The following SPACA1 variants were observed in gnomAD, a reference collection of about 807,000 sequenced individuals.
The protein encoded by SPACA1 is sperm acrosome associated 1.
In SPACA1, 17 loss-of-function variants were observed where a neutral mutation model predicts 32.6. That is an observed-to-expected ratio of 0.52 (90% CI 0.36 to 0.78). SPACA1 has a LOEUF of 0.78. Among genes scored for constraint, SPACA1 ranks in the 30% least tolerant of loss-of-function variants. SPACA1 has a pLI of 0.01. For missense variants in SPACA1, 363 were observed against 373.4 expected (o/e 0.97, Z 0.23); for synonymous variants, 140 against 138.1 (o/e 1.01, Z -0.10).
At chr6:88,051,095 C>T (rs1450248265) in intron 1 of SPACA1, among the ~76,000 whole-genome samples, 4 of 151,316 alleles carry the variant, frequency 2.6e-5, no homozygotes, top group African/African-American at 9.7e-5. Flanking sequence ...TGCAGTGAGC[C>T]GAGATTACGC....
At chr6:88,050,335 T>C (rs1196299207) in intron 1 of SPACA1, among the ~76,000 whole-genome samples, 1 of 152,150 alleles carries the variant, frequency 6.6e-6, no homozygotes, top group African/African-American at 2.4e-5. Context: ...TCATCAATTC[T>C]TAAGTTAGAG....
chr6:88,059,900 T>C (rs1283040777), intron 5 of SPACA1, among the ~76,000 whole-genome samples: 1 of 152,252 alleles, frequency 6.6e-6, no homozygotes, highest in East Asian at 1.9e-4. Flanking sequence ...TCTTAAGTGT[T>C]TTCAGAGAAC....
rs144125227 is a variant in SPACA1, at chr6:88,056,012, A to C, written c.266-1600A>C. ...ACAACAACAAAAAACCTGTTTTAAA[A>C]ATATTAACAATAGCATGTTAATTAC... On this transcript the variant is annotated intron_variant, in intron 2 of 6. Coordinates refer to ENST00000237201, the MANE Select transcript of SPACA1 (RefSeq NM_030960.3). 1.2e-3 allele frequency among the ~76,000 whole-genome samples: 179 copies of C among 152,160 alleles called. 1 individual carries two copies. The highest frequency in any genetic ancestry group is 4.2e-3 in the African/African-American group (173 of 41,512).
At chr6:88,060,343 C>G (rs996686890) in intron 5 of SPACA1, among the ~76,000 whole-genome samples, 1 of 152,106 alleles carries the variant, frequency 6.6e-6, no homozygotes, top group Non-Finnish European at 1.5e-5. Flanking sequence ...TTTTCAGAAT[C>G]CTATCAAGGC....
chr6:88,057,277 C>A (rs1036002379), intron 2 of SPACA1, among the ~76,000 whole-genome samples: 2 of 152,148 alleles, frequency 1.3e-5, no homozygotes, highest in African/African-American at 4.8e-5. Context: ...TGTTATTTTA[C>A]TAGTGTATTA....
chr6:88,056,366 T>C lies in SPACA1; in HGVS notation c.266-1246T>C, dbSNP rs114786302. ...AAGACTCCGTCTCAAAAAAAAACTT[T>C]GATAAACTCAAGTGGAGCCGTACTT... On this transcript the variant is annotated intron_variant, in intron 2 of 6. Transcript: ENST00000237201. Among the ~76,000 whole-genome samples the C allele has an allele frequency of 7.2e-3, 1,091 of 151,654 alleles. 15 individuals are homozygous for C. The highest frequency in any genetic ancestry group is 0.025 in the African/African-American group (1,011 of 40,968).
chr6:88,048,200 G>A (rs1041986536), intron 1 of SPACA1, 87 bp downstream of exon 1: 4 of 1,317,688 alleles, frequency 3.0e-6, no homozygotes, highest in Non-Finnish European at 4.2e-6. Context: ...CCATAATTAT[G>A]TGTGTTAACG....
At position 88,048,094 on chromosome 6, in the gene SPACA1, T is replaced by G; in HGVS notation, c.189T>G (p.Ala63=). 1 of 1,595,776 alleles carries G rather than the reference T, an allele frequency of 6.3e-7. No homozygotes were observed. The highest frequency in any genetic ancestry group is 8.5e-7 in the Non-Finnish European group (1 of 1,172,642). ...NNDSETAENY[A]PPETEDVSNR... is the part of the protein sequence containing the mutation. ...ACAGCGAGACCGCGGAGAACTACGC[T>G]CCGCCTGAAACCGAGGATGGTGAGG... The change falls in exon 1 of 7, where the codon GCT becomes GCG. Residue 63 remains alanine, a synonymous_variant. Coordinates refer to ENST00000237201, the MANE Select transcript of SPACA1 (RefSeq NM_030960.3).
At chr6:88,064,068 A>G in intron 5 of SPACA1, 31 bp from the exon 6 acceptor site, 1 of 1,600,380 alleles carries the variant, frequency 6.2e-7, no homozygotes, top group Non-Finnish European at 8.5e-7. Context: ...CCTCAGTAGT[A>G]ATACTCCTTA....
chr6:88,057,481 C>T (rs548996731), intron 2 of SPACA1, 131 bp from the exon 3 acceptor site: 2 of 603,464 alleles, frequency 3.3e-6, no homozygotes, highest in African/African-American at 1.9e-5. Flanking sequence ...TAAGTGTTAT[C>T]GTTCTGAATT....
chr6:88,065,163 C>T (rs771240702), intron 6 of SPACA1, among the ~76,000 whole-genome samples: 36 of 147,462 alleles, frequency 2.4e-4, no homozygotes, highest in South Asian at 8.5e-4. Flanking sequence ...ATATTTGAAC[C>T]GTATATGTAT....
At chr6:88,065,354 AT>A (rs1290921788) in intron 6 of SPACA1, among the ~76,000 whole-genome samples, 2 of 148,044 alleles carry the variant, frequency 1.4e-5, no homozygotes, top group African/African-American at 4.9e-5. Flanking sequence ...CATACATAAT[AT>A]TATATACAGT....
At chr6:88,052,117 A>G (rs545697660) in intron 1 of SPACA1, among the ~76,000 whole-genome samples, 1 of 152,366 alleles carries the variant, frequency 6.6e-6, no homozygotes, top group East Asian at 1.9e-4. Context: ...CCACCATTGT[A>G]GGATTCCCAT....
chr6:88,058,733 GAA>G lies in SPACA1; in HGVS notation c.387_388del (p.Leu131Ter), dbSNP rs1775846892. On this transcript the variant is annotated frameshift_variant, in exon 4 of 7. Transcript: ENST00000237201. LOFTEE classifies it high-confidence loss of function. ...TDCGWGKPIS[E>X]SLESVRLACI... The stretch of plus-strand genomic sequence containing the variant: ...TTTTTCAGGGGGTAAACCAATTTCA[GAA>G]AGTCTTGAAAGTGTTAGATTGGCAT... 6.2e-7 allele frequency: 1 copy of G among 1,612,722 alleles called. No homozygotes were observed. Among genetic ancestry groups the G allele is most frequent in the Admixed American group, 1.7e-5 (1 of 59,752 alleles).
rs370785279 is a variant in SPACA1, at chr6:88,066,350, A to G, written c.*15A>G. 3 of 1,593,560 alleles carry G rather than the reference A, an allele frequency of 1.9e-6. No individual in the cohort carries two copies. The highest frequency in any genetic ancestry group is 4.5e-5 in the East Asian group (2 of 44,652). On this transcript the variant is annotated 3_prime_UTR_variant, in exon 7 of 7. Transcript: ENST00000237201. ...GGAATGAATGATGTTTGAATGATAT[A>G]TAACAAACCAAAGGATATTACAGAA...
chr6:88,057,732 T>C lies in SPACA1; in HGVS notation c.367+19T>C. 1 of 1,602,308 alleles carries C rather than the reference T, an allele frequency of 6.2e-7. No individual in the cohort carries two copies. Among genetic ancestry groups the C allele is most frequent in the Non-Finnish European group, 8.6e-7 (1 of 1,169,264 alleles). ...TGTGGCTGTGAGTTGAATTATGTAT[T>C]GGAGGGAGACTGTGGGCAAGAGTTT... On this transcript the variant is annotated intron_variant, in intron 3 of 6. Transcript: ENST00000237201.
At chr6:88,046,984 T>C (rs1775646945), upstream of SPACA1, among the ~76,000 whole-genome samples, 1 of 152,164 alleles carries the variant, frequency 6.6e-6, no homozygotes, top group Admixed American at 6.5e-5. Context: ...AATTTAAACA[T>C]TAAGCCTCAA....
At position 88,066,212 on chromosome 6, in the gene SPACA1, A is replaced by C; in HGVS notation, c.762A>C (p.Lys254Asn). ...CAGTCAAGGCTTTCTGGGGGGCAAA[A>C]GCCTCTACACCTGAGGTACAATCCG... ...WAAVKAFWGAKASTPEVQSEQ... is the reference protein window; with the variant it reads ...WAAVKAFWGANASTPEVQSEQ... The change falls in exon 7 of 7, where the codon AAA becomes AAC. Residue 254 changes from lysine to asparagine, a missense_variant. Coordinates refer to ENST00000237201, the MANE Select transcript of SPACA1 (RefSeq NM_030960.3). 1 of 1,601,354 alleles carries C rather than the reference A, an allele frequency of 6.2e-7. No individual in the cohort carries two copies. The highest frequency in any genetic ancestry group is 8.5e-7 in the Non-Finnish European group (1 of 1,172,610).
At chr6:88,060,422 G>T (rs1358216661) in intron 5 of SPACA1, among the ~76,000 whole-genome samples, 6 of 152,140 alleles carry the variant, frequency 3.9e-5, no homozygotes, top group Non-Finnish European at 8.8e-5. Flanking sequence ...AACTTTAAAG[G>T]AGTTTTTGGA....
Sources: allele counts gnomAD v4.1 joint callset (sites outside exome capture counted in the v4.1 genomes callset), GRCh38; gene constraint gnomAD v4.1.1; transcripts MANE v1.5; gene names NCBI Gene and HGNC (gene_info 2026-07-23, HGNC 2026-07-21).